FN1: variants seen among roughly 807,000 people sequenced by gnomAD.
The protein encoded by FN1 is fibronectin 1, also known as fibronectin.
A neutral mutation model predicts 297.3 loss-of-function variants in FN1; 106 were observed. The ratio of observed to expected loss-of-function variants is 0.36; its 90% CI spans 0.30 to 0.42. FN1 has a LOEUF of 0.42. FN1 is among the 10% of genes least tolerant of loss of function. The pLI is 1.00. For missense variants in FN1, 2,690 were observed against 3,124.9 expected, an observed-to-expected ratio of 0.86 and a Z score of 3.32; for synonymous variants, 1,149 against 1,152.6, an observed-to-expected ratio of 1.00 and a Z score of 0.06.
chr2:215,364,731 CTA>C (rs1046208529), intron 44 of FN1, 146 bp downstream of exon 44: 120 of 688,196 alleles, frequency 1.7e-4, no homozygotes, highest in African/African-American at 1.7e-3. Flanking sequence ...CTCTAGAGCT[CTA>C]TGTCAGCAGT....
chr2:215,389,295 G>A (rs1389375161), intron 26 of FN1, among the ~76,000 whole-genome samples: 2 of 151,836 alleles, frequency 1.3e-5, no homozygotes, highest in Non-Finnish European at 2.9e-5. Context: ...ATAGAGACGG[G>A]GCTTCACCGT....
intron 12 of FN1, among the ~76,000 whole-genome samples, chr2:215,415,571 T>C (rs1002516635): frequency 2.6e-5 from 4 of 152,196 alleles, no homozygotes; most frequent in African/African-American, 9.6e-5. Context: ...TTTATTTTTA[T>C]TCAAGAAGTT....
At chr2:215,382,955 G>T (rs1056409112) in intron 31 of FN1, among the ~76,000 whole-genome samples, 1 of 151,566 alleles carries the variant, frequency 6.6e-6, no homozygotes, top group South Asian at 2.1e-4. Context: ...AGAATATTAG[G>T]TGGTCCTACC....
chr2:215,424,957 C>A, intron 7 of FN1, 137 bp downstream of exon 7: 1 of 810,320 alleles, frequency 1.2e-6, no homozygotes, highest in South Asian at 1.5e-5. Flanking sequence ...TTTCAAATGC[C>A]AACCCTAATT....
At chr2:215,399,136 G>A in intron 21 of FN1, 121 bp downstream of exon 21, 1 of 751,640 alleles carries the variant, frequency 1.3e-6, no homozygotes, top group Non-Finnish European at 2.4e-6. Flanking sequence ...AAAGATGTAT[G>A]GACAGAAGCA....
chr2:215,361,855 TG>T (rs1400369988), intron 45 of FN1, 113 bp downstream of exon 45: 22 of 1,400,964 alleles, frequency 1.6e-5, no homozygotes, highest in African/African-American at 2.9e-5. Flanking sequence ...AAGTCATTTA[TG>T]AGTTGTTTTT....
intron 37 of FN1, 83 bp downstream of exon 37, chr2:215,375,546 A>G (rs1229844541): frequency 2.4e-6 from 3 of 1,243,028 alleles, no homozygotes; most frequent in African/African-American, 2.9e-5. Context: ...ATACAAAAAT[A>G]TACGCCTCAC....
At chr2:215,400,220 T>G (rs1480720352) in intron 20 of FN1, among the ~76,000 whole-genome samples, 3 of 151,880 alleles carry the variant, frequency 2.0e-5, no homozygotes, top group Admixed American at 1.3e-4. Flanking sequence ...TTACGCTGAA[T>G]TATTCCACAA....
In FN1 at chr2:215,393,086, G is replaced by T. The variant is rs759250934; in HGVS notation, c.3914C>A (p.Ala1305Glu). 120 of 1,613,944 alleles carry T rather than the reference G, an allele frequency of 7.4e-5. 1 individual carries two copies. The South Asian group carries it at 1.0e-3, about 14-fold the overall frequency. Reference sequence around the variant, plus strand: ...TTCAAAAATAGGGATACCTTCTCCTGCCGCAACTACTGTGATGCGGTACCC... The same window carrying T: ...TTCAAAAATAGGGATACCTTCTCCTTCCGCAACTACTGTGATGCGGTACCC... ...IIGYRITVVA[A>E]GEGIPIFEDF... Residue 1305 changes from alanine (A) to glutamate (E), a missense_variant, in exon 25 of 46, where the codon GCA becomes GAA. Transcript: ENST00000354785.
intron 7 of FN1, 69 bp from the exon 8 acceptor site, chr2:215,424,394 A>G: frequency 7.8e-7 from 1 of 1,275,400 alleles, no homozygotes; most frequent in Non-Finnish European, 1.1e-6. Context: ...CTGCTTATTT[A>G]TGGCTTCAAT....
At chr2:215,431,631 T>C (rs1014889664) in intron 4 of FN1, among the ~76,000 whole-genome samples, 5 of 152,254 alleles carry the variant, frequency 3.3e-5, no homozygotes, top group African/African-American at 1.2e-4. Context: ...TTAAGACTTC[T>C]ATGTGTAGTC....
chr2:215,383,566 A>G, intron 30 of FN1, 83 bp from the exon 31 acceptor site: 1 of 1,393,630 alleles, frequency 7.2e-7, no homozygotes, highest in Non-Finnish European at 1.0e-6. Context: ...TAGGTCTGGT[A>G]CATATTCGAA....
At chr2:215,407,498 C>T (rs563168022) in intron 17 of FN1, among the ~76,000 whole-genome samples, 177 bp from the exon 18 acceptor site, 10 of 152,152 alleles carry the variant, frequency 6.6e-5, no homozygotes, top group Admixed American at 1.3e-4. Flanking sequence ...CTATTCAGCA[C>T]GAAGATAAAA....
At chr2:215,399,921 C>T (rs1295842422) in intron 20 of FN1, among the ~76,000 whole-genome samples, 1 of 152,156 alleles carries the variant, frequency 6.6e-6, no homozygotes, top group Non-Finnish European at 1.5e-5. Context: ...GGATCGGTGG[C>T]TCATGACTGT....
chr2:215,420,893 C>T, intron 10 of FN1, 92 bp from the exon 11 acceptor site: 3 of 1,127,788 alleles, frequency 2.7e-6, no homozygotes, highest in Non-Finnish European at 4.0e-6. Context: ...ACAACTACTT[C>T]CACTTAATTA....
At chr2:215,381,404 A>G in intron 32 of FN1, 1 of 388,916 alleles carries the variant, frequency 2.6e-6, no homozygotes, top group Non-Finnish European at 4.8e-6. Flanking sequence ...AGTCTCATAG[A>G]CCTGGATTTT....
intron 14 of FN1, 74 bp downstream of exon 14, chr2:215,409,860 G>C: frequency 6.3e-7 from 1 of 1,592,098 alleles, no homozygotes; most frequent in Non-Finnish European, 8.6e-7. Flanking sequence ...AATTGAGAAG[G>C]AAAGCATTGC....
rs10524797 is a variant in FN1 at position 215,412,760 on chromosome 2, CTT to C, written c.1941+2075_1941+2076del. ...TAATTTAAAGTATTATATTAAGTATCTTTTTTTTTTTTTTTTTTTTTTACTTC... is the reference window on the plus strand; with the variant it reads ...TAATTTAAAGTATTATATTAAGTATCTTTTTTTTTTTTTTTTTTTTACTTC... On this transcript the variant is annotated intron_variant, in intron 13 of 45. Transcript: ENST00000354785. Among the ~76,000 whole-genome samples the C allele has an allele frequency of 5.6e-4, 55 of 97,572 alleles. 2 individuals are homozygous for C. The highest frequency in any genetic ancestry group is 2.2e-3 in the African/African-American group (51 of 23,312). The allele number at this position is 97,572 out of a possible 152,430, so 64.0% of individuals were successfully genotyped here.
intron 18 of FN1, 140 bp from the exon 19 acceptor site, chr2:215,406,650 C>T: frequency 1.2e-6 from 1 of 849,286 alleles, no homozygotes; most frequent in Non-Finnish European, 1.9e-6. Flanking sequence ...AATCAGATCA[C>T]ATTTTCATGG....
Sources: allele counts gnomAD v4.1 joint callset (sites outside exome capture counted in the v4.1 genomes callset), GRCh38; gene constraint gnomAD v4.1.1; transcripts MANE v1.5; gene names NCBI Gene and HGNC (gene_info 2026-07-23, HGNC 2026-07-21).